Variants in STRN3 observed in about 807,000 individuals in gnomAD.
The protein encoded by STRN3 is striatin 3.
STRN3 carries 29 observed loss-of-function variants against 95.6 expected under a neutral mutation model. The observed-to-expected ratio is 0.30, with a 90% CI of 0.23 to 0.41. STRN3 has a LOEUF of 0.41. Among genes scored for constraint, STRN3 ranks in the 10% least tolerant of loss-of-function variants. The pLI is 1.00. For synonymous variants in STRN3, 331 were observed against 357.6 expected (o/e 0.93, Z 0.84); for missense variants, 890 against 972.1 (o/e 0.92, Z 1.12).
At chr14:30,989,290 C>T (rs569761875) in intron 1 of STRN3, among the ~76,000 whole-genome samples, 3 of 152,226 alleles carry the variant, frequency 2.0e-5, no homozygotes, top group African/African-American at 2.4e-5. Flanking sequence ...ATCTTCACAG[C>T]AATGGCACCC....
At chr14:31,006,281 A>ATGG (rs1882710082) in intron 1 of STRN3, among the ~76,000 whole-genome samples, 1 of 152,120 alleles carries the variant, frequency 6.6e-6, no homozygotes, top group Non-Finnish European at 1.5e-5. Context: ...TAGGCTGGGT[A>ATGG]TGGTGGCTCA....
chr14:30,960,395 A>G (rs1462142931), intron 1 of STRN3, among the ~76,000 whole-genome samples: 3 of 152,190 alleles, frequency 2.0e-5, no homozygotes, highest in Non-Finnish European at 4.4e-5. Flanking sequence ...CACTGCAGCA[A>G]TTAAGACACT....
chr14:30,895,814 A>G (rs1896129358), intron 16 of STRN3, 66 bp from the exon 17 acceptor site: 3 of 1,337,818 alleles, frequency 2.2e-6, no homozygotes, highest in African/African-American at 1.5e-5. Flanking sequence ...AACAGAAACT[A>G]CAATATAGCA....
chr14:31,018,605 C>A, intron 1 of STRN3: 1 of 504,652 alleles, frequency 2.0e-6, no homozygotes, highest in East Asian at 5.8e-5. Flanking sequence ...AGAGGTTACC[C>A]AGCAGACCAC....
intron 16 of STRN3, among the ~76,000 whole-genome samples, chr14:30,899,806 T>C (rs972983343): frequency 1.3e-5 from 2 of 151,830 alleles, no homozygotes; most frequent in Non-Finnish European, 1.5e-5. Flanking sequence ...CCATATCTTA[T>C]ACATGATAGT....
intron 9 of STRN3, among the ~76,000 whole-genome samples, chr14:30,918,144 A>G (rs1383456635): frequency 6.6e-6 from 1 of 152,218 alleles, no homozygotes; most frequent in African/African-American, 2.4e-5. Context: ...GTTAAAGAAT[A>G]ATGATGCTGC....
chr14:30,946,893 T>G (rs577616473), intron 5 of STRN3, among the ~76,000 whole-genome samples, 197 bp downstream of exon 5: 83 of 151,014 alleles, frequency 5.5e-4, no homozygotes, highest in African/African-American at 1.0e-3. Flanking sequence ...GCAGGAGAAT[T>G]GCTTGAGCCT....
chr14:30,963,968 A>G (rs1880342395), intron 1 of STRN3, among the ~76,000 whole-genome samples: 1 of 152,126 alleles, frequency 6.6e-6, no homozygotes, highest in Non-Finnish European at 1.5e-5. Flanking sequence ...AAACAAGAAA[A>G]GAGCCAGGTG....
At chr14:30,898,744 A>G (rs527830229) in intron 16 of STRN3, among the ~76,000 whole-genome samples, 1 of 152,236 alleles carries the variant, frequency 6.6e-6, no homozygotes, top group South Asian at 2.1e-4. Context: ...CTCTACCAAA[A>G]CTAATCCTAA....
At chr14:30,985,401 C>T (rs193106511) in intron 1 of STRN3, among the ~76,000 whole-genome samples, 37 of 151,950 alleles carry the variant, frequency 2.4e-4, no homozygotes, top group Non-Finnish European at 4.6e-4. Context: ...GTCGGGAGTT[C>T]GAGACCAACC....
At chr14:30,988,093 T>A (rs1881784763) in intron 1 of STRN3, among the ~76,000 whole-genome samples, 1 of 152,208 alleles carries the variant, frequency 6.6e-6, no homozygotes, top group Non-Finnish European at 1.5e-5. Context: ...AAAGCAAGTT[T>A]TACATTCCTT....
At chr14:30,900,762 AG>A (rs1274203786) in intron 16 of STRN3, among the ~76,000 whole-genome samples, 1 of 138,860 alleles carries the variant, frequency 7.2e-6, no homozygotes, top group Non-Finnish European at 1.6e-5. Flanking sequence ...AAAAAAAAAA[AG>A]GATTTTTTTT....
At chr14:31,014,094 A>G (rs2139331329) in intron 1 of STRN3, among the ~76,000 whole-genome samples, 1 of 151,950 alleles carries the variant, frequency 6.6e-6, no homozygotes, top group Admixed American at 6.6e-5. Flanking sequence ...TTGTAGAGAC[A>G]GGGTATCACT....
intron 5 of STRN3, among the ~76,000 whole-genome samples, chr14:30,938,560 C>A (rs1878939693): frequency 6.6e-6 from 1 of 152,000 alleles, no homozygotes; most frequent in Non-Finnish European, 1.5e-5. Context: ...TATTTAATCA[C>A]AGCAATACAT....
intron 13 of STRN3, 70 bp downstream of exon 13, chr14:30,910,971 C>CAT: frequency 6.6e-7 from 1 of 1,526,040 alleles, no homozygotes; most frequent in South Asian, 1.2e-5. Flanking sequence ...ACCTTGTAAT[C>CAT]ATATTTGAGG....
chr14:31,010,578 C>T (rs932737577), intron 1 of STRN3, among the ~76,000 whole-genome samples: 11 of 151,880 alleles, frequency 7.2e-5, no homozygotes, highest in Non-Finnish European at 1.3e-4. Flanking sequence ...AATATCTGAA[C>T]TTTTTCAACG....
intron 7 of STRN3, among the ~76,000 whole-genome samples, chr14:30,933,280 T>TACAAAAAAA (rs1555317708): frequency 4.4e-5 from 1 of 22,778 alleles, no homozygotes; most frequent in Non-Finnish European, 8.2e-5. Flanking sequence ...CCCTGTTTCA[T>TACAAAAAAA]AAAAAAAAAA....
chr14:30,935,182 CG>C lies in STRN3; in HGVS notation c.968del (p.Ser323TrpfsTer21). 6.2e-7 allele frequency: 1 copy of C among 1,614,030 alleles called. No homozygotes were observed. Among genetic ancestry groups the C allele is most frequent in the Non-Finnish European group, 8.5e-7 (1 of 1,179,976 alleles). ...DGEGAGEARS[S>X]GDGTEWDKDD... is the part of the protein sequence containing the mutation. ...CCTTACCCCATTCTGTGCCATCCCC[CG>C]AACTCCGTGCTTCTCCAGCTCCTTC... is the stretch of plus-strand genomic sequence containing the variant. On this transcript the variant is annotated frameshift_variant, in exon 7 of 18. Coordinates refer to ENST00000357479, the MANE Select transcript of STRN3 (RefSeq NM_001083893.2). LOFTEE classifies it high-confidence loss of function.
At chr14:30,941,353 A>G (rs1417852114) in intron 5 of STRN3, among the ~76,000 whole-genome samples, 1 of 152,166 alleles carries the variant, frequency 6.6e-6, no homozygotes, top group African/African-American at 2.4e-5. Context: ...AATGTGATTC[A>G]ACTTCAATAT....
Sources: allele counts gnomAD v4.1 joint callset (sites outside exome capture counted in the v4.1 genomes callset), GRCh38; gene constraint gnomAD v4.1.1; transcripts MANE v1.5; gene names NCBI Gene and HGNC (gene_info 2026-07-23, HGNC 2026-07-21).